The following GGT1 variants were observed in gnomAD, a reference collection of about 807,000 sequenced individuals.
The protein encoded by GGT1 is glutathione hydrolase 1 proenzyme.
GGT1 carries 21 observed loss-of-function variants against 56.0 expected under a neutral mutation model. That is an observed-to-expected ratio of 0.38 (90% CI 0.27 to 0.54). The LOEUF (loss-of-function observed/expected upper bound fraction) is 0.54, where lower values mean the gene tolerates loss of function less well. Among genes scored for constraint, GGT1 ranks in the 20% least tolerant of loss-of-function variants. GGT1 has a pLI of 0.82. For synonymous variants in GGT1, 238 were observed against 342.6 expected (o/e 0.69, Z 3.37); for missense variants, 466 against 787.0 (o/e 0.59, Z 4.88).
chr22:24,588,647 C>A, the GGT1 span: 1 of 1,137,982 alleles, frequency 8.8e-7, no homozygotes, highest in Non-Finnish European at 1.1e-6. Flanking sequence ...AGCCGGCTGC[C>A]TGCCCACCCT....
upstream of GGT1, among the ~76,000 whole-genome samples, chr22:24,600,246 G>T (rs1439524598): frequency 1.3e-5 from 2 of 152,208 alleles, no homozygotes; most frequent in Non-Finnish European, 2.9e-5. Flanking sequence ...GAGGTGCATT[G>T]TCTGTGCATT....
intron 11 of GGT1, chr22:24,624,270 C>T: frequency 1.1e-6 from 1 of 931,444 alleles, no homozygotes; most frequent in Non-Finnish European, 1.3e-6. Context: ...TGAACAGAGA[C>T]CTTGGCCACC....
chr22:24,601,314 C>T (rs532937253), upstream of GGT1, among the ~76,000 whole-genome samples: 1 of 152,344 alleles, frequency 6.6e-6, no homozygotes, highest in African/African-American at 2.4e-5. Flanking sequence ...CCATGGCCCA[C>T]TCAGGGCATG....
upstream of GGT1, among the ~76,000 whole-genome samples, chr22:24,601,375 G>T (rs1361666818): frequency 6.6e-6 from 1 of 152,110 alleles, no homozygotes; most frequent in East Asian, 1.9e-4. Flanking sequence ...TCTTGGACCT[G>T]TCAGTGGGGG....
chr22:24,592,901 G>A (rs1601602180), upstream of GGT1: 5 of 1,280,060 alleles, frequency 3.9e-6, no homozygotes, highest in East Asian at 9.6e-5. Flanking sequence ...GCGCGCTCCG[G>A]CCGCCGCTCG....
upstream of GGT1, chr22:24,589,978 A>G: frequency 6.5e-7 from 1 of 1,547,218 alleles, no homozygotes; most frequent in Non-Finnish European, 8.7e-7. Context: ...GAGTTGAGTG[A>G]GCCCGTTGGG....
chr22:24,586,703 G>C, the GGT1 span, among the ~76,000 whole-genome samples: 1 of 152,224 alleles, frequency 6.6e-6, no homozygotes, highest in Non-Finnish European at 1.5e-5. Flanking sequence ...GGCTAATTTT[G>C]TATTTTTAGT....
rs539538858 is a variant in GGT1, at chr22:24,611,307, C to G, written c.164+62C>G. On this transcript the variant is annotated intron_variant, in intron 5 of 15. Coordinates refer to ENST00000400382, the MANE Select transcript of GGT1 (RefSeq NM_001288833.2). The stretch of plus-strand genomic sequence containing the variant: ...ACTGGGCAAGTGGACCTGAGCAATA[C>G]CTTCACCCCCCTGAGACTCAGTTTC... 7 of 978,324 alleles carry G rather than the reference C, an allele frequency of 7.2e-6. No homozygotes were observed. The East Asian group carries it at 1.8e-4, about 25-fold the overall frequency. The allele number at this position is 978,324 out of a possible 1,614,324, so 60.6% of individuals were successfully genotyped here.
chr22:24,589,831 C>T, upstream of GGT1: 2 of 1,612,914 alleles, frequency 1.2e-6, no homozygotes, highest in South Asian at 1.1e-5. Flanking sequence ...CTTCTTGGGG[C>T]ACTGCAGGTC....
At chr22:24,624,183 G>A (rs2047604332) in intron 11 of GGT1, 1 of 985,348 alleles carries the variant, frequency 1.0e-6, no homozygotes, top group Non-Finnish European at 1.2e-6. Flanking sequence ...AGTGCTCAGT[G>A]CTGAGATGAG....
At chr22:24,587,296 C>T in the GGT1 span, among the ~76,000 whole-genome samples, 10,247 of 152,168 alleles carry the variant, frequency 0.067, 561 homozygotes, top group East Asian at 0.27. Context: ...GAGGGCTCCC[C>T]GTGTTTTCTC....
upstream of GGT1, chr22:24,592,743 G>C: frequency 7.8e-7 from 1 of 1,287,134 alleles, no homozygotes; most frequent in Non-Finnish European, 9.9e-7. Flanking sequence ...CCAGAGACCA[G>C]CTCCGCCTCG....
intron 9 of GGT1, among the ~76,000 whole-genome samples, chr22:24,622,385 A>T (rs1435168978): frequency 2.6e-4 from 39 of 152,172 alleles, no homozygotes; most frequent in African/African-American, 9.1e-4. Flanking sequence ...TAACACAGTG[A>T]AACCTGTCTC....
At chr22:24,586,176 G>C in the GGT1 span, 1 of 1,613,672 alleles carries the variant, frequency 6.2e-7, no homozygotes, top group Non-Finnish European at 8.5e-7. Context: ...GCCCGCGTCA[G>C]TCGGTTGCCG....
upstream of GGT1, chr22:24,599,450 A>C (rs1217670019): frequency 6.7e-6 from 1 of 149,550 alleles, no homozygotes; most frequent in Non-Finnish European, 1.5e-5. Flanking sequence ...TCAGTTGGGG[A>C]GGGGTGTGCT....
chr22:24,628,425 G>A lies in GGT1; in HGVS notation c.1563+37G>A, dbSNP rs796720949. 2 of 1,607,918 alleles carry A rather than the reference G, an allele frequency of 1.2e-6. No individual in the cohort carries two copies. The highest frequency in any genetic ancestry group is 1.4e-5 in the African/African-American group (1 of 71,756). ...GTTGGAGAAACTGAGTCAAGGTGTGGGGCCCCAGGGCATCCTGGGCTGGAG... is the reference window on the plus strand; with the variant it reads ...GTTGGAGAAACTGAGTCAAGGTGTGAGGCCCCAGGGCATCCTGGGCTGGAG... On this transcript the variant is annotated intron_variant, in intron 15 of 15. Coordinates refer to ENST00000400382, the MANE Select transcript of GGT1 (RefSeq NM_001288833.2). The surrounding 1 kb of genome is among the most constrained non-coding windows in gnomAD (Gnocchi z 5.7).
rs1031815655 is a variant in GGT1, at chr22:24,626,069, T to C, written c.1021-1363T>C. On this transcript the variant is annotated intron_variant, in intron 11 of 15. Transcript: ENST00000400382. ...GTGCAGTGGCGGGATCTCCGCTCACTGCAAGCTCCGCCTCCCAGGTTCACG... is the reference window on the plus strand; with the variant it reads ...GTGCAGTGGCGGGATCTCCGCTCACCGCAAGCTCCGCCTCCCAGGTTCACG... Among the ~76,000 whole-genome samples the C allele has an allele frequency of 1.8e-3, 231 of 130,508 alleles. 3 individuals are homozygous for C. The highest frequency in any genetic ancestry group is 7.7e-3 in the African/African-American group (215 of 28,048). The allele number at this position is 130,508 out of a possible 152,430, so 85.6% of individuals were successfully genotyped here.
Position 24,611,165 on chromosome 22 carries a change from A to G in GGT1, c.84A>G (p.Ser28=), listed in dbSNP as rs4049897. ...VIVGLCLWLP[S]ASKEPDNHVY... is the part of the protein sequence containing the mutation. ...TCGGCCTCTGTCTCTGGCTGCCCTCAGCCTCCAAGGAACCTGACAACCATG... is the reference window on the plus strand; with the variant it reads ...TCGGCCTCTGTCTCTGGCTGCCCTCGGCCTCCAAGGAACCTGACAACCATG... Residue 28 remains serine (S), a synonymous_variant, in exon 5 of 16, where the codon TCA becomes TCG. Transcript: ENST00000400382. 0.014 allele frequency: 22,252 copies of G among 1,552,864 alleles called. 335 individuals carry two copies. The highest frequency in any genetic ancestry group is 0.061 in the African/African-American group (4,493 of 73,298).
At chr22:24,593,786 CAAAAA>C (rs34143786), upstream of GGT1, among the ~76,000 whole-genome samples, 1 of 105,242 alleles carries the variant, frequency 9.5e-6, no homozygotes, top group South Asian at 2.9e-4. Context: ...AACTCTGTCT[CAAAAA>C]AAAAAAAAAG....
Sources: gnomAD v4.1 joint callset for allele counts (sites outside exome capture counted in the v4.1 genomes callset) on GRCh38, gnomAD v4.1.1 for gene constraint, Gnocchi (gnomAD v3.1) non-coding constraint, MANE v1.5 for transcripts, NCBI Gene and HGNC (gene_info 2026-07-23, HGNC 2026-07-21) for gene names.